The following TENM2 variants were observed in gnomAD, a reference collection of about 807,000 sequenced individuals.
The protein encoded by TENM2 is teneurin-2.
In TENM2, 52 loss-of-function variants were observed where a neutral mutation model predicts 245.2. That is an observed-to-expected ratio of 0.21 (90% confidence interval 0.17 to 0.27). The LOEUF (loss-of-function observed/expected upper bound fraction) is 0.27. TENM2 is among the 10% of genes least tolerant of loss of function. The probability of loss-of-function intolerance (pLI) is 1.00; values close to 1 mark genes in which losing one functional copy is unlikely to be tolerated. For missense variants in TENM2, 3,046 were observed against 3,666.8 expected, an observed-to-expected ratio of 0.83 and a Z score of 4.37; for synonymous variants, 1,363 against 1,438.9, an observed-to-expected ratio of 0.95 and a Z score of 1.19.
At chr5:167,978,537 T>C (rs1029434256) in intron 4 of TENM2, among the ~76,000 whole-genome samples, 2 of 152,306 alleles carry the variant, frequency 1.3e-5, no homozygotes, top group South Asian at 4.2e-4. Context: ...TCACATATTG[T>C]ATGAGTCCAT....
At chr5:167,624,335 G>A (rs1778365484) in intron 2 of TENM2, among the ~76,000 whole-genome samples, 1 of 152,074 alleles carries the variant, frequency 6.6e-6, no homozygotes, top group South Asian at 2.1e-4. Flanking sequence ...ACCAAATATT[G>A]CATGTTCTTA....
intron 2 of TENM2, among the ~76,000 whole-genome samples, chr5:167,425,386 C>A (rs1763751218): frequency 6.6e-6 from 1 of 152,142 alleles, no homozygotes; most frequent in Admixed American, 6.5e-5. Flanking sequence ...GTGGAGATAA[C>A]ACCCAGCTCC....
intron 2 of TENM2, among the ~76,000 whole-genome samples, chr5:167,829,823 T>C (rs1267949763): frequency 2.6e-5 from 4 of 152,154 alleles, no homozygotes; most frequent in African/African-American, 9.7e-5. Flanking sequence ...AAGCAGACTT[T>C]CATTAGCTGG....
chr5:168,124,745 C>A, intron 10 of TENM2, 105 bp from the exon 13 acceptor site: 2 of 1,060,806 alleles, frequency 1.9e-6, no homozygotes, highest in Non-Finnish European at 2.7e-6. Context: ...TGGATGGGAA[C>A]TGGTGACCCA....
chr5:167,084,327 TTATATATATATATATATATATATATATA>T, the TENM2 span, among the ~76,000 whole-genome samples: 355 of 23,182 alleles, frequency 0.015, 44 homozygotes, highest in Middle Eastern at 0.067. Flanking sequence ...GCCATTTTAG[TTATATATATATATATATATATATATATA>T]TATATATATA....
the TENM2 span, among the ~76,000 whole-genome samples, chr5:167,078,787 A>G: frequency 6.6e-6 from 1 of 152,166 alleles, no homozygotes; most frequent in Non-Finnish European, 1.5e-5. Flanking sequence ...ATCTTATTGA[A>G]TATAAACTAT....
At chr5:168,217,543 T>C (rs756408154) in intron 22 of TENM2, among the ~76,000 whole-genome samples, 1 of 152,184 alleles carries the variant, frequency 6.6e-6, no homozygotes, top group Admixed American at 6.5e-5. Context: ...AACAGACAAC[T>C]TGCTACTGAG....
At chr5:167,402,745 A>G (rs1235480342) in intron 2 of TENM2, among the ~76,000 whole-genome samples, 1 of 152,084 alleles carries the variant, frequency 6.6e-6, no homozygotes, top group Admixed American at 6.6e-5. Flanking sequence ...AATGTCTTTT[A>G]TTCTCCTATA....
At chr5:167,956,920 G>A (rs1780606534) in intron 4 of TENM2, among the ~76,000 whole-genome samples, 2 of 152,114 alleles carry the variant, frequency 1.3e-5, no homozygotes, top group African/African-American at 4.8e-5. Context: ...CAGGGATATT[G>A]GCCTGAACTT....
At chr5:167,500,821 G>T (rs997681728) in intron 2 of TENM2, among the ~76,000 whole-genome samples, 1 of 152,124 alleles carries the variant, frequency 6.6e-6, no homozygotes, top group African/African-American at 2.4e-5. Context: ...AGGGAAGAGA[G>T]GTAGTTCCTC....
At chr5:167,692,853 C>T (rs1424632980) in intron 2 of TENM2, among the ~76,000 whole-genome samples, 5 of 152,168 alleles carry the variant, frequency 3.3e-5, no homozygotes. Context: ...GGCAGATGGA[C>T]GATAGTGTTG....
the TENM2 span, among the ~76,000 whole-genome samples, chr5:167,153,098 TAC>T: frequency 2.2e-4 from 33 of 147,132 alleles, no homozygotes; most frequent in Non-Finnish European, 2.7e-4. Flanking sequence ...AATGAATACA[TAC>T]ACACACACAC....
chr5:167,879,254 C>T (rs966068548), intron 3 of TENM2, among the ~76,000 whole-genome samples: 8 of 152,270 alleles, frequency 5.3e-5, no homozygotes, highest in African/African-American at 1.9e-4. Context: ...AACCTTGCCA[C>T]CTTTGGAGTC....
At chr5:167,572,476 C>T (rs1224815726) in intron 2 of TENM2, among the ~76,000 whole-genome samples, 5 of 152,148 alleles carry the variant, frequency 3.3e-5, no homozygotes, top group Admixed American at 2.0e-4. Context: ...TGCTTAATTT[C>T]GAAGAGATGG....
chr5:167,094,309 G>GC, the TENM2 span, among the ~76,000 whole-genome samples: 1 of 151,960 alleles, frequency 6.6e-6, no homozygotes, highest in African/African-American at 2.4e-5. Flanking sequence ...AACTGCCTGT[G>GC]CCCCCCACTG....
At chr5:168,139,161 T>C (rs185462146) in intron 12 of TENM2, among the ~76,000 whole-genome samples, 3 of 152,322 alleles carry the variant, frequency 2.0e-5, no homozygotes, top group Non-Finnish European at 4.4e-5. Flanking sequence ...TAAAAGAAAG[T>C]AGTCAAATAT....
intron 2 of TENM2, among the ~76,000 whole-genome samples, chr5:167,813,307 C>A (rs1007359424): frequency 6.6e-6 from 1 of 151,916 alleles, no homozygotes; most frequent in Non-Finnish European, 1.5e-5. Context: ...ATTTGGGAGG[C>A]TTTCAGAGGA....
intron 5 of TENM2, among the ~76,000 whole-genome samples, chr5:167,995,509 T>C (rs1030048330): frequency 2.6e-5 from 4 of 152,170 alleles, no homozygotes; most frequent in African/African-American, 9.6e-5. Context: ...CCTGCAGTGA[T>C]GGCAGTGAGC....
intron 12 of TENM2, among the ~76,000 whole-genome samples, chr5:168,147,027 A>G (rs1233315503): frequency 6.6e-6 from 1 of 152,244 alleles, no homozygotes; most frequent in Non-Finnish European, 1.5e-5. Flanking sequence ...CCCCTGGCCA[A>G]AGAGTACACT....
Sources: gnomAD v4.1 joint callset for allele counts (sites outside exome capture counted in the v4.1 genomes callset) on GRCh38, gnomAD v4.1.1 for gene constraint, MANE v1.5 for transcripts, NCBI Gene and HGNC (gene_info 2026-07-23, HGNC 2026-07-21) for gene names.